The following ARID3A variants were observed in gnomAD, a reference collection of about 807,000 sequenced individuals.
ARID3A encodes the protein AT-rich interactive domain-containing protein 3A.
ARID3A carries 11 observed loss-of-function variants against 52.7 expected under a neutral mutation model. The observed-to-expected ratio is 0.21, with a 90% CI of 0.13 to 0.35. ARID3A has a LOEUF of 0.35. Among genes scored for constraint, ARID3A ranks in the 10% least tolerant of loss-of-function variants. The pLI, the probability that ARID3A is intolerant of heterozygous loss-of-function variation, is 1.00. For synonymous variants in ARID3A, 404 were observed against 359.4 expected (o/e 1.12, Z -1.40); for missense variants, 721 against 838.5 (o/e 0.86, Z 1.73).
Position 944,948 on chromosome 19 carries a change from C to T in ARID3A, c.693+12206C>T, listed in dbSNP as rs563497075. 1.8e-4 allele frequency among the ~76,000 whole-genome samples: 27 copies of T among 152,318 alleles called. No individual in the cohort carries two copies. The highest frequency in any genetic ancestry group is 5.3e-4 in the African/African-American group (22 of 41,574). On this transcript the variant is annotated intron_variant, in intron 3 of 8. Coordinates refer to ENST00000263620, the MANE Select transcript of ARID3A (RefSeq NM_005224.3). This position sits in a 1 kb window ranked among gnomAD's most constrained non-coding sequence, Gnocchi z 5.9. ...CTCTCCCTGTCTCTGCCACCCGCCC[C>T]GTCCCTTCCACCACGTCGCCCTGTA...
intron 3 of ARID3A, among the ~76,000 whole-genome samples, chr19:937,233 C>T (rs1283644136): frequency 6.6e-6 from 1 of 152,208 alleles, no homozygotes; most frequent in Non-Finnish European, 1.5e-5. Flanking sequence ...CACTGCACTC[C>T]AGCCTGGGCA....
At chr19:966,898 C>T in intron 7 of ARID3A, 30 bp downstream of exon 7, 4 of 1,572,010 alleles carry the variant, frequency 2.5e-6, no homozygotes, top group Non-Finnish European at 3.5e-6. Flanking sequence ...ACCCGCTGTG[C>T]TTCCTGCGTG....
Sources: allele counts gnomAD v4.1 joint callset (sites outside exome capture counted in the v4.1 genomes callset), GRCh38; gene constraint gnomAD v4.1.1; non-coding constraint Gnocchi (gnomAD v3.1); transcripts MANE v1.5; gene names NCBI Gene and HGNC (gene_info 2026-07-23, HGNC 2026-07-21).